QTRT1: variants seen among roughly 807,000 people sequenced by gnomAD.
QTRT1 encodes TGT, 43-KD subunit.
A neutral mutation model predicts 44.0 loss-of-function variants in QTRT1; 41 were observed. The observed-to-expected ratio is 0.93, with a 90% CI of 0.73 to 1.21. QTRT1 has a LOEUF of 1.21. Among genes scored for constraint, QTRT1 ranks in the 50% most tolerant of loss-of-function variants. QTRT1 has a pLI of 0.00. For synonymous variants in QTRT1, 226 were observed against 237.1 expected, an observed-to-expected ratio of 0.95 and a Z score of 0.43; for missense variants, 542 against 575.8, an observed-to-expected ratio of 0.94 and a Z score of 0.60.
chr19:10,705,519 G>A (rs1395239393), intron 3 of QTRT1, among the ~76,000 whole-genome samples: 2 of 152,004 alleles, frequency 1.3e-5, no homozygotes, highest in South Asian at 2.1e-4. Context: ...GACTACAGGC[G>A]TGAGTCACCA....
rs761284281 is a variant in QTRT1 at position 10,712,975 on chromosome 19, G to A, written c.994G>A (p.Ala332Thr). The change falls in exon 9 of 10, where the codon GCA becomes ACA. Residue 332 changes from alanine (A) to threonine (T), a missense_variant. Coordinates refer to ENST00000250237, the MANE Select transcript of QTRT1 (RefSeq NM_031209.3). The surrounding 1 kb of genome is among the most constrained non-coding windows in gnomAD (Gnocchi z 5.6). ...CAGGCACAGCCGCGCCTTCCTGCAC[G>A]CACTGCTGCACAGTGACAACACGGC... Reference protein sequence around the residue: ...CQKHSRAFLHALLHSDNTAAL... With the variant: ...CQKHSRAFLHTLLHSDNTAAL... 5 of 1,612,642 alleles carry A rather than the reference G, an allele frequency of 3.1e-6. No homozygotes were observed. The highest frequency in any genetic ancestry group is 1.7e-5 in the Admixed American group (1 of 59,978).
Position 10,712,503 on chromosome 19 carries a change from G to C in QTRT1, c.786-50G>C, listed in dbSNP as rs767516579. 1.3e-6 allele frequency: 2 copies of C among 1,548,710 alleles called. No individual in the cohort carries two copies. Among genetic ancestry groups the C allele is most frequent in the Non-Finnish European group, 1.8e-6 (2 of 1,121,318 alleles). On this transcript the variant is annotated intron_variant, in intron 6 of 9. Transcript: ENST00000250237. The surrounding 1 kb of genome is among the most constrained non-coding windows in gnomAD (Gnocchi z 5.6). ...CAGTGTGAGGGTTGGGAGGGGCCCT[G>C]GGAAGCCCCTGAGGTTCTCTGCCCC...
At chr19:10,704,088 C>A (rs2068701834) in intron 3 of QTRT1, among the ~76,000 whole-genome samples, 1 of 152,118 alleles carries the variant, frequency 6.6e-6, no homozygotes, top group African/African-American at 2.4e-5. Flanking sequence ...CTCAAGCGAT[C>A]TGCCCGCCTT....
chr19:10,701,464 G>A lies in QTRT1; in HGVS notation c.4G>A (p.Ala2Thr), dbSNP rs757208088. ...CCACGTGGTTCCGACAGTCAAGATG[G>A]CGGGAGCAGCTACCCAGGCTTCCCT... M[A>T]GAATQASLES... is the part of the protein sequence containing the mutation. The change falls in exon 1 of 10, where the codon GCG (alanine) becomes ACG (threonine). Residue 2 changes from alanine to threonine, a missense_variant. Coordinates refer to ENST00000250237, the MANE Select transcript of QTRT1 (RefSeq NM_031209.3). 1.3e-6 allele frequency: 2 copies of A among 1,546,168 alleles called. No individual in the cohort carries two copies. The highest frequency in any genetic ancestry group is 1.7e-6 in the Non-Finnish European group (2 of 1,144,334).
At chr19:10,703,547 C>T (rs1222978420) in intron 3 of QTRT1, among the ~76,000 whole-genome samples, 1 of 152,138 alleles carries the variant, frequency 6.6e-6, no homozygotes, top group Non-Finnish European at 1.5e-5. Flanking sequence ...GCGGTGGCCA[C>T]GCCTGTAATC....
At chr19:10,704,418 G>A (rs1019871971) in intron 3 of QTRT1, among the ~76,000 whole-genome samples, 14 of 130,690 alleles carry the variant, frequency 1.1e-4, no homozygotes, top group African/African-American at 2.3e-4. Context: ...CTCAGCCTCC[G>A]GAGTAGCTGG....
chr19:10,701,964 C>T lies in QTRT1; in HGVS notation c.258C>T (p.Ile86=). 1 of 1,614,190 alleles carries T rather than the reference C, an allele frequency of 6.2e-7. No individual in the cohort carries two copies. The highest frequency in any genetic ancestry group is 8.5e-7 in the Non-Finnish European group (1 of 1,180,020). Residue 86 remains isoleucine (I), a synonymous_variant, in exon 2 of 10, where the codon ATC becomes ATT. Coordinates refer to ENST00000250237, the MANE Select transcript of QTRT1 (RefSeq NM_031209.3). Reference sequence around the variant, plus strand: ...CATCAACCCAGGGACCCGAGCTGATCCAGAAAGCCAACGGTCTCCACGGCT... The same window carrying T: ...CATCAACCCAGGGACCCGAGCTGATTCAGAAAGCCAACGGTCTCCACGGCT... The part of the protein sequence containing the change: ...HLGLRPGPEL[I]QKANGLHGFM...
intron 3 of QTRT1, 21 bp from the exon 4 acceptor site, chr19:10,707,280 GT>G: frequency 6.2e-7 from 1 of 1,613,712 alleles, no homozygotes; most frequent in Non-Finnish European, 8.5e-7. Context: ...TCCCAGTGAT[GT>G]TGCCCCCATC....
chr19:10,710,621 A>C (rs200951571), intron 5 of QTRT1, among the ~76,000 whole-genome samples: 1 of 30,780 alleles, frequency 3.2e-5, no homozygotes, highest in South Asian at 1.4e-3. Flanking sequence ...GCCTATTTTT[A>C]TTTTTTAAAT....
chr19:10,705,455 T>C (rs1450941297), intron 3 of QTRT1, among the ~76,000 whole-genome samples: 3 of 151,840 alleles, frequency 2.0e-5, no homozygotes, highest in Admixed American at 2.0e-4. Context: ...GCCAGGCCGG[T>C]CTCGAACTCC....
In QTRT1 at chr19:10,706,385, GT is replaced by G. The variant is rs141631037; in HGVS notation, c.452-912del. Among the ~76,000 whole-genome samples the G allele has an allele frequency of 9.0e-3, 1,375 of 151,938 alleles. 24 individuals are homozygous for G. Among genetic ancestry groups the G allele is most frequent in the African/African-American group, 0.032 (1,311 of 41,442 alleles). Reference sequence around the variant, plus strand: ...CCTATAATCTTAGCACTTTTGTTTTGTTTTTGAGACGGTGTCTCGCTCTGTC... The same window carrying G: ...CCTATAATCTTAGCACTTTTGTTTTGTTTTGAGACGGTGTCTCGCTCTGTC... On this transcript the variant is annotated intron_variant, in intron 3 of 9. Transcript: ENST00000250237.
At chr19:10,707,456 C>G in intron 4 of QTRT1, 44 bp from the exon 5 acceptor site, 10 of 1,609,036 alleles carry the variant, frequency 6.2e-6, no homozygotes, top group Non-Finnish European at 8.5e-6. Context: ...GTCTCCTACC[C>G]CCTCACCAGG....
At position 10,702,246 on chromosome 19, in the gene QTRT1, A is replaced by C; in HGVS notation, c.443A>C (p.Asn148Thr). Residue 148 changes from asparagine to threonine, a missense_variant, in exon 3 of 10, where the codon AAT becomes ACT. Coordinates refer to ENST00000250237, the MANE Select transcript of QTRT1 (RefSeq NM_031209.3). ...CCGGAGAAATCCGTGCAGATCCAGA[A>C]TGCGCTGGGTGAGAGGACCCTGGGG... ...LSPEKSVQIQ[N>T]ALGSDIIMQL... 1.2e-6 allele frequency: 2 copies of C among 1,613,938 alleles called. No homozygotes were observed. Among genetic ancestry groups the C allele is most frequent in the Non-Finnish European group, 1.7e-6 (2 of 1,179,908 alleles).
rs147590804 is a variant in QTRT1, at chr19:10,712,578, G to A, written c.811G>A (p.Val271Met). The stretch of plus-strand genomic sequence containing the variant: ...CTATGCCACTGATCTGGTAGTCTGC[G>A]TGGCTCTTGGATGTGACATGTTCGA... ...VGYATDLVVCVALGCDMFDCV... is the reference protein window; with the variant it reads ...VGYATDLVVCMALGCDMFDCV... The change falls in exon 7 of 10, where the codon GTG becomes ATG. Residue 271 changes from valine (V) to methionine (M), a missense_variant. Transcript: ENST00000250237. The surrounding 1 kb of genome is among the most constrained non-coding windows in gnomAD (Gnocchi z 5.6). 372 of 1,613,710 alleles carry A rather than the reference G, an allele frequency of 2.3e-4. No individual in the cohort carries two copies. Among genetic ancestry groups the A allele is most frequent in the Non-Finnish European group, 2.7e-4 (314 of 1,179,940 alleles).
In QTRT1 at chr19:10,707,507, C is replaced by T. The variant is rs751857027; in HGVS notation, c.538C>T (p.Arg180Cys). The T allele has an allele frequency of 1.2e-5, 20 of 1,611,498 alleles. No individual in the cohort carries two copies. The highest frequency in any genetic ancestry group is 3.3e-5 in the South Asian group (3 of 90,966). ...ACTGGGGCCCTGTTGCAGGTCAATC[C>T]GCTGGCTGGACCGGTGCATTGCAGC... ...RVEEAMYRSI[R>C]WLDRCIAAHQ... Residue 180 changes from arginine to cysteine, a missense_variant, in exon 5 of 10, where the codon CGC becomes TGC. Physicochemically the swap from Arg to Cys is radical, Grantham distance 180. Coordinates refer to ENST00000250237, the MANE Select transcript of QTRT1 (RefSeq NM_031209.3).
chr19:10,712,144 T>G lies in QTRT1; in HGVS notation c.647-17T>G, dbSNP rs1237143363. 4 of 1,611,688 alleles carry G rather than the reference T, an allele frequency of 2.5e-6. No individual in the cohort carries two copies. The African/African-American group carries it at 5.3e-5, about 22-fold the overall frequency. On this transcript the variant is annotated splice_polypyrimidine_tract_variant and intron_variant, in intron 5 of 9. Transcript: ENST00000250237. The surrounding 1 kb of genome is among the most constrained non-coding windows in gnomAD (Gnocchi z 5.6). ...CATTTCCTCTTCTGTGGCCCTCACC[T>G]TACCCTGTACCCTCAGAGATGACCA...
intron 3 of QTRT1, among the ~76,000 whole-genome samples, chr19:10,704,978 C>T (rs1012557867): frequency 6.0e-5 from 9 of 150,132 alleles, no homozygotes; most frequent in Middle Eastern, 3.3e-3. Flanking sequence ...TGCAGTGGCT[C>T]GATCTTGGCT....
intron 2 of QTRT1, 26 bp from the exon 3 acceptor site, chr19:10,702,090 C>G (rs2068691745): frequency 1.2e-6 from 2 of 1,614,182 alleles, no homozygotes; most frequent in Non-Finnish European, 1.7e-6. Context: ...CACCCCCTGA[C>G]AGCTTTGCGG....
At position 10,702,103 on chromosome 19, in the gene QTRT1, G is replaced by T. The variant is rs1435190389; in HGVS notation, c.313-13G>T. The T allele has an allele frequency of 6.2e-7, 1 of 1,614,126 alleles. No individual in the cohort carries two copies. Among genetic ancestry groups the T allele is most frequent in the Admixed American group, 1.7e-5 (1 of 60,002 alleles). On this transcript the variant is annotated splice_polypyrimidine_tract_variant and intron_variant, in intron 2 of 9. Coordinates refer to ENST00000250237, the MANE Select transcript of QTRT1 (RefSeq NM_031209.3). ...TCCACCCCCTGACAGCTTTGCGGTG[G>T]GGTTTCCCTTAGGACAGCGGCGGTT...
Sources: allele counts gnomAD v4.1 joint callset (sites outside exome capture counted in the v4.1 genomes callset), GRCh38; gene constraint gnomAD v4.1.1; non-coding constraint Gnocchi (gnomAD v3.1); transcripts MANE v1.5; gene names NCBI Gene and HGNC (gene_info 2026-07-23, HGNC 2026-07-21).